The following AFF1 variants were observed in gnomAD, a reference collection of about 807,000 sequenced individuals.
The protein encoded by AFF1 is ALF transcription elongation factor 1.
Under a neutral mutation model 121.7 loss-of-function variants are expected in AFF1, and 48 were observed. That is an observed-to-expected ratio of 0.39 (90% CI 0.31 to 0.50). The LOEUF (loss-of-function observed/expected upper bound fraction) is 0.50. AFF1 is among the 20% of genes least tolerant of loss of function. The pLI is 0.76. For missense variants in AFF1, 1,523 were observed against 1,511.7 expected, an observed-to-expected ratio of 1.01 and a Z score of -0.12; for synonymous variants, 613 against 563.0, an observed-to-expected ratio of 1.09 and a Z score of -1.26.
chr4:86,950,976 G>A (rs1721261014), intron 2 of AFF1, among the ~76,000 whole-genome samples: 2 of 152,096 alleles, frequency 1.3e-5, no homozygotes, highest in Non-Finnish European at 2.9e-5. Flanking sequence ...TTTCATTTTT[G>A]CATTTAAATC....
chr4:87,114,894 T>C lies in AFF1; in HGVS notation c.2061T>C (p.Ser687=). 5 of 1,612,730 alleles carry C rather than the reference T, an allele frequency of 3.1e-6. No homozygotes were observed. The Middle Eastern group carries it at 5.0e-4, about 160-fold the overall frequency. The change falls in exon 12 of 21, where the codon TCT becomes TCC. Residue 687 remains serine, a synonymous_variant. Coordinates refer to ENST00000395146, the MANE Select transcript of AFF1 (RefSeq NM_001166693.3). ...ACAAGAGCTCCCTCCCTGCCCCCTC[T>C]AAGGCTCTCTCAGGCCCAGAACCCG... ...KKHKSSLPAP[S]KALSGPEPAK...
intron 2 of AFF1, among the ~76,000 whole-genome samples, chr4:86,951,623 CT>C (rs1285365564): frequency 5.0e-4 from 35 of 69,454 alleles, no homozygotes; most frequent in East Asian, 4.0e-3. Flanking sequence ...TTCTTTTTTT[CT>C]TTTTTTTTTT....
chr4:86,996,071 C>T (rs1302903233), intron 2 of AFF1, among the ~76,000 whole-genome samples: 1 of 151,716 alleles, frequency 6.6e-6, no homozygotes, highest in Non-Finnish European at 1.5e-5. Flanking sequence ...AGCGTCTCTG[C>T]CCGGCAGCCA....
At chr4:87,007,292 C>G in intron 2 of AFF1, 1 of 1,567,718 alleles carries the variant, frequency 6.4e-7, no homozygotes, top group Non-Finnish European at 8.6e-7. Flanking sequence ...ATCGGGGCGC[C>G]GCGCCGGGAC....
At chr4:87,101,393 T>C (rs991714668) in intron 8 of AFF1, among the ~76,000 whole-genome samples, 10 of 152,198 alleles carry the variant, frequency 6.6e-5, no homozygotes, top group Admixed American at 3.9e-4. Flanking sequence ...GTGCATATAG[T>C]AAGACCTCGT....
intron 12 of AFF1, among the ~76,000 whole-genome samples, chr4:87,121,404 T>C (rs1415141246): frequency 6.6e-6 from 1 of 152,194 alleles, no homozygotes; most frequent in Non-Finnish European, 1.5e-5. Flanking sequence ...TTAATGACCC[T>C]TTCCTACATC....
chr4:87,106,491 AT>A (rs1037950407), intron 10 of AFF1, among the ~76,000 whole-genome samples: 1 of 152,194 alleles, frequency 6.6e-6, no homozygotes, highest in Non-Finnish European at 1.5e-5. Flanking sequence ...GAGGTAACAG[AT>A]TTGCTGTTTT....
At chr4:87,054,831 G>A (rs966393501) in intron 4 of AFF1, among the ~76,000 whole-genome samples, 39 of 152,312 alleles carry the variant, frequency 2.6e-4, no homozygotes, top group African/African-American at 8.7e-4. Flanking sequence ...AGCAGCCTGA[G>A]GGCTAGGTTG....
intron 16 of AFF1, among the ~76,000 whole-genome samples, chr4:87,130,336 G>T (rs761957366): frequency 3.3e-5 from 5 of 152,294 alleles, no homozygotes; most frequent in East Asian, 1.9e-4. Context: ...ATGCTAATCA[G>T]TTGCTCTCAA....
chr4:87,022,512 C>T (rs1728004514), intron 2 of AFF1, among the ~76,000 whole-genome samples: 2 of 123,166 alleles, frequency 1.6e-5, no homozygotes, highest in South Asian at 4.9e-4. Flanking sequence ...AATCAAGGAC[C>T]CCTCTACGAT....
chr4:86,944,140 TAAAAAAAAAAAA>T (rs35682600), intron 1 of AFF1, among the ~76,000 whole-genome samples: 2 of 96,182 alleles, frequency 2.1e-5, no homozygotes, highest in East Asian at 5.6e-4. Flanking sequence ...CAAGACCCTG[TAAAAAAAAAAAA>T]AAAAAAAAAA....
At chr4:87,062,528 T>TA (rs139529850) in intron 4 of AFF1, among the ~76,000 whole-genome samples, 4,219 of 152,124 alleles carry the variant, frequency 0.028, 197 homozygotes, top group African/African-American at 0.095. Flanking sequence ...AGCTGTAAAA[T>TA]ATATGTTTTT....
At position 87,136,140 on chromosome 4, in the gene AFF1, T is replaced by C; in HGVS notation, c.*439T>C. On this transcript the variant is annotated 3_prime_UTR_variant, in exon 21 of 21. Coordinates refer to ENST00000395146, the MANE Select transcript of AFF1 (RefSeq NM_001166693.3). ...AAATTTTTTTTTTTAACAATGACTT[T>C]TGGTAAAGGGTTTTGTGGATGATTT... 1 of 233,798 alleles carries C rather than the reference T, an allele frequency of 4.3e-6. No individual in the cohort carries two copies. The highest frequency in any genetic ancestry group is 5.6e-5 in the Admixed American group (1 of 17,794). 14.5% of individuals were successfully genotyped at this position (233,798 alleles called of 1,614,324 possible).
Position 87,106,306 on chromosome 4 carries a change from C to T in AFF1, c.1376+461C>T, listed in dbSNP as rs182934387. On this transcript the variant is annotated intron_variant, in intron 10 of 20. Transcript: ENST00000395146. ...GCTGAGCCAGGAGAATCGCTTGAAC[C>T]CAGGAGATGGAGGCTGCAGTGAGCT... Among the ~76,000 whole-genome samples the T allele has an allele frequency of 1.1e-3, 165 of 152,292 alleles. 1 individual carries two copies. Among genetic ancestry groups the T allele is most frequent in the African/African-American group, 3.9e-3 (160 of 41,558 alleles).
intron 16 of AFF1, among the ~76,000 whole-genome samples, chr4:87,130,381 GAGAA>G (rs1728718768): frequency 6.6e-6 from 1 of 152,246 alleles, no homozygotes; most frequent in Admixed American, 6.5e-5. Context: ...CACATGTAGA[GAGAA>G]AGACAGTTGC....
chr4:87,079,704 A>G (rs1343565312), intron 4 of AFF1, among the ~76,000 whole-genome samples: 1 of 152,220 alleles, frequency 6.6e-6, no homozygotes, highest in African/African-American at 2.4e-5. Context: ...TCTAGGATTC[A>G]GTCTCCTCGT....
At chr4:86,969,537 A>G (rs1472905948) in intron 2 of AFF1, among the ~76,000 whole-genome samples, 1 of 147,634 alleles carries the variant, frequency 6.8e-6, no homozygotes, top group African/African-American at 2.5e-5. Context: ...ATTAGATTCT[A>G]TGTTATGATG....
At chr4:87,056,377 GTATTCTTAACAACCCCACACTA>G (rs1369670685) in intron 4 of AFF1, among the ~76,000 whole-genome samples, 1 of 152,036 alleles carries the variant, frequency 6.6e-6, no homozygotes, top group African/African-American at 2.4e-5. Context: ...TTTCTTCGAG[GTATTCTTAACAACCCCACACTA>G]TATTATAGAT....
chr4:87,052,888 G>A (rs553286684), intron 4 of AFF1, among the ~76,000 whole-genome samples: 4 of 152,028 alleles, frequency 2.6e-5, no homozygotes, highest in Admixed American at 2.6e-4. Context: ...ATCAAACAAG[G>A]CTGGTAGACT....
Sources: allele counts gnomAD v4.1 joint callset (sites outside exome capture counted in the v4.1 genomes callset), GRCh38; gene constraint gnomAD v4.1.1; transcripts MANE v1.5; gene names NCBI Gene and HGNC (gene_info 2026-07-23, HGNC 2026-07-21).